Variants in COL25A1 observed in about 807,000 individuals in gnomAD.
The protein encoded by COL25A1 is collagen type XXV alpha 1 chain.
A neutral mutation model predicts 128.4 loss-of-function variants in COL25A1; 103 were observed. The ratio of observed to expected loss-of-function variants is 0.80; its 90% CI spans 0.68 to 0.94. The LOEUF is 0.94. COL25A1 is among the 40% of genes least tolerant of loss of function. The probability of loss-of-function intolerance (pLI) is 0.00; values close to 1 mark genes in which losing one functional copy is unlikely to be tolerated. For synonymous variants in COL25A1, 279 were observed against 277.2 expected, an observed-to-expected ratio of 1.01 and a Z score of -0.06; for missense variants, 745 against 840.0, an observed-to-expected ratio of 0.89 and a Z score of 1.40.
At chr4:109,239,388 GTGTGTGTATATATA>G (rs1198371191) in intron 3 of COL25A1, among the ~76,000 whole-genome samples, 8 of 90,180 alleles carry the variant, frequency 8.9e-5, no homozygotes, top group African/African-American at 3.5e-4. Context: ...GTGTGTGTGT[GTGTGTGTATATATA>G]TATATATATA....
intron 3 of COL25A1, among the ~76,000 whole-genome samples, chr4:109,252,856 A>C (rs979191757): frequency 1.3e-5 from 2 of 152,174 alleles, no homozygotes; most frequent in Non-Finnish European, 2.9e-5. Flanking sequence ...CCACTTTCAC[A>C]TGGTGCCTGT....
At chr4:109,054,395 T>C (rs1334643550) in intron 3 of COL25A1, among the ~76,000 whole-genome samples, 2 of 152,204 alleles carry the variant, frequency 1.3e-5, no homozygotes, top group Non-Finnish European at 2.9e-5. Flanking sequence ...ATGATTATTG[T>C]GAGGATGAAA....
At chr4:109,130,633 CAAACAAGT>C (rs1039331362) in intron 3 of COL25A1, among the ~76,000 whole-genome samples, 48 of 152,066 alleles carry the variant, frequency 3.2e-4, no homozygotes, top group African/African-American at 1.1e-3. Flanking sequence ...TGGGACCAAG[CAAACAAGT>C]AAAGAGAAAA....
In COL25A1 at chr4:108,832,423, C is replaced by T; in HGVS notation, c.1667G>A (p.Gly556Asp). The change falls in exon 32 of 38, where the codon GGT (glycine) becomes GAT (aspartate). Residue 556 changes from glycine to aspartate, a missense_variant. Physicochemically the swap from Gly to Asp is moderately conservative, Grantham distance 94. Coordinates refer to ENST00000399132, the MANE Select transcript of COL25A1 (RefSeq NM_198721.4). Reference protein sequence around the residue: ...HGLPGPKGTDGPMGPHGPAGP... With the variant: ...HGLPGPKGTDDPMGPHGPAGP... ...TGCAGGGCCATGGGGTCCCATAGGACCATCTGTACCCTAAAAAAAAGATAA... is the reference window on the plus strand; with the variant it reads ...TGCAGGGCCATGGGGTCCCATAGGATCATCTGTACCCTAAAAAAAAGATAA... 6.2e-7 allele frequency: 1 copy of T among 1,602,472 alleles called. No homozygotes were observed. Among genetic ancestry groups the T allele is most frequent in the Non-Finnish European group, 8.5e-7 (1 of 1,173,126 alleles).
At chr4:108,944,746 T>C (rs1023209032) in intron 8 of COL25A1, among the ~76,000 whole-genome samples, 2 of 152,174 alleles carry the variant, frequency 1.3e-5, no homozygotes, top group African/African-American at 4.8e-5. Flanking sequence ...GTTCTAATTT[T>C]AATGAGATCT....
At chr4:109,191,197 G>A (rs922553001) in intron 3 of COL25A1, among the ~76,000 whole-genome samples, 6 of 152,182 alleles carry the variant, frequency 3.9e-5, no homozygotes, top group Non-Finnish European at 5.9e-5. Context: ...CACACATTGG[G>A]AAAACAATTA....
intron 3 of COL25A1, among the ~76,000 whole-genome samples, chr4:109,055,036 G>T (rs1761337628): frequency 1.3e-5 from 2 of 152,114 alleles, no homozygotes; most frequent in Non-Finnish European, 2.9e-5. Context: ...TTTACCTTCA[G>T]GTCTTCTGGA....
At position 108,849,248 on chromosome 4, in the gene COL25A1, C is replaced by T. The variant is rs548999209; in HGVS notation, c.1390-445G>A. On this transcript the variant is annotated intron_variant, in intron 26 of 37. Coordinates refer to ENST00000399132, the MANE Select transcript of COL25A1 (RefSeq NM_198721.4). ...ACCTAAAAAAGTAAAATGCAAAGCC[C>T]CATGAATTTTCAACAATATTTTAAT... is the stretch of plus-strand genomic sequence containing the variant. 1.2e-4 allele frequency among the ~76,000 whole-genome samples: 18 copies of T among 152,104 alleles called. No individual in the cohort carries two copies. The South Asian group carries it at 3.7e-3, about 32-fold the overall frequency.
chr4:109,110,938 T>G (rs959404519), intron 3 of COL25A1, among the ~76,000 whole-genome samples: 5 of 152,202 alleles, frequency 3.3e-5, no homozygotes, highest in Non-Finnish European at 5.9e-5. Flanking sequence ...TCCAACTTCC[T>G]GAAATTTTCC....
chr4:108,983,614 G>A (rs1192338509), intron 6 of COL25A1, among the ~76,000 whole-genome samples: 1 of 152,166 alleles, frequency 6.6e-6, no homozygotes, highest in Non-Finnish European at 1.5e-5. Flanking sequence ...GAGTGTTACA[G>A]CTCTTAAGGT....
At chr4:109,049,226 T>A (rs886222312) in intron 4 of COL25A1, among the ~76,000 whole-genome samples, 6 of 152,206 alleles carry the variant, frequency 3.9e-5, no homozygotes, top group Admixed American at 3.9e-4. Context: ...TGAAAAATAC[T>A]TAGAGAAAAT....
chr4:108,876,378 TCTC>T (rs1739456745), intron 19 of COL25A1, among the ~76,000 whole-genome samples: 2 of 151,986 alleles, frequency 1.3e-5, no homozygotes, highest in South Asian at 4.2e-4. Flanking sequence ...TTAAAAATGT[TCTC>T]CTCCTTTCCA....
In COL25A1 at chr4:108,903,397, A is replaced by G. The variant is rs1743087070; in HGVS notation, c.781-2225T>C. Among the ~76,000 whole-genome samples the G allele has an allele frequency of 1.3e-5, 2 of 152,004 alleles. 1 individual carries two copies. The highest frequency in any genetic ancestry group is 1.3e-4 in the Admixed American group (2 of 15,260). The stretch of plus-strand genomic sequence containing the variant: ...TGATGTTCTGATTTTTTAAATCTTT[A>G]TACGCACATTTGTTTTCACACAGTA... On this transcript the variant is annotated intron_variant, in intron 13 of 37. Coordinates refer to ENST00000399132, the MANE Select transcript of COL25A1 (RefSeq NM_198721.4).
At chr4:109,049,108 A>G (rs1167704117) in intron 4 of COL25A1, among the ~76,000 whole-genome samples, 2 of 152,080 alleles carry the variant, frequency 1.3e-5, no homozygotes, top group African/African-American at 4.8e-5. Flanking sequence ...CTTTCTTAAA[A>G]TGGAAGAGAA....
At chr4:109,208,843 T>C (rs1467078006) in intron 3 of COL25A1, among the ~76,000 whole-genome samples, 1 of 152,202 alleles carries the variant, frequency 6.6e-6, no homozygotes, top group Non-Finnish European at 1.5e-5. Flanking sequence ...AAGAGGATCA[T>C]TCTCCACTGC....
chr4:109,211,659 C>G (rs1251315664), intron 3 of COL25A1, among the ~76,000 whole-genome samples: 1 of 152,004 alleles, frequency 6.6e-6, no homozygotes, highest in Non-Finnish European at 1.5e-5. Flanking sequence ...AAGAAAAGCT[C>G]TTTCATTAGC....
In COL25A1 at chr4:109,056,884, G is replaced by A. The variant is rs141679081; in HGVS notation, c.368-6705C>T. On this transcript the variant is annotated intron_variant, in intron 3 of 37. Coordinates refer to ENST00000399132, the MANE Select transcript of COL25A1 (RefSeq NM_198721.4). ...CTATGTCACCGAGGCTGATGACAGT[G>A]TAAGTGGTGTCGAACATCGCTATTT... Among the ~76,000 whole-genome samples, 733 of 152,278 alleles carry A rather than the reference G, an allele frequency of 4.8e-3. 6 individuals are homozygous for A. Among genetic ancestry groups the A allele is most frequent in the African/African-American group, 0.017 (704 of 41,538 alleles).
intron 3 of COL25A1, among the ~76,000 whole-genome samples, chr4:109,111,760 T>C (rs1395235565): frequency 6.6e-6 from 1 of 152,188 alleles, no homozygotes; most frequent in East Asian, 1.9e-4. Flanking sequence ...CTGTAATTAA[T>C]ATGTGTTTAC....
Position 109,016,452 on chromosome 4 carries a change from G to A in COL25A1, c.421-6077C>T, listed in dbSNP as rs137949068. On this transcript the variant is annotated intron_variant, in intron 5 of 37. Coordinates refer to ENST00000399132, the MANE Select transcript of COL25A1 (RefSeq NM_198721.4). ...ACAGATTCCTAGGCGGAAAGGGGCG[G>A]GTCCCTGGTGAAACCCCTCCTTCAA... 7.5e-3 allele frequency among the ~76,000 whole-genome samples: 1,139 copies of A among 152,348 alleles called. 16 individuals are homozygous for A. The highest frequency in any genetic ancestry group is 0.025 in the African/African-American group (1,038 of 41,592).
Sources: allele counts gnomAD v4.1 joint callset (sites outside exome capture counted in the v4.1 genomes callset), GRCh38; gene constraint gnomAD v4.1.1; transcripts MANE v1.5; gene names NCBI Gene and HGNC (gene_info 2026-07-23, HGNC 2026-07-21).